SYN2: variants seen among roughly 807,000 people sequenced by gnomAD.
The protein encoded by SYN2 is synapsin II, also known as synapsin-2.
Under a neutral mutation model 50.9 loss-of-function variants are expected in SYN2, and 19 were observed. The observed-to-expected ratio is 0.37, with a 90% CI of 0.26 to 0.55. SYN2 has a LOEUF of 0.55. Ranked by LOEUF, SYN2 falls within the 20% of genes least tolerant of loss-of-function variation. The pLI, the probability that SYN2 is intolerant of heterozygous loss-of-function variation, is 0.81. For synonymous variants in SYN2, 255 were observed against 224.9 expected, an observed-to-expected ratio of 1.13 and a Z score of -1.20; for missense variants, 587 against 576.4, an observed-to-expected ratio of 1.02 and a Z score of -0.19.
chr3:12,185,584 C>T (rs1698325663), intron 11 of SYN2: 20 of 985,876 alleles, frequency 2.0e-5, no homozygotes, highest in Non-Finnish European at 2.3e-5. Flanking sequence ...GTGTTTTGTA[C>T]CTATTTCTTT....
intron 1 of SYN2, among the ~76,000 whole-genome samples, chr3:12,044,179 T>TCACACACACA (rs1436934204): frequency 1.6e-5 from 1 of 60,900 alleles, no homozygotes; most frequent in Non-Finnish European, 4.0e-5. Flanking sequence ...TCTCTCTCTC[T>TCACACACACA]CTCACACACA....
chr3:12,059,803 G>A (rs572663526), intron 1 of SYN2, among the ~76,000 whole-genome samples: 6 of 152,136 alleles, frequency 3.9e-5, no homozygotes, highest in Middle Eastern at 3.4e-3. Flanking sequence ...TTGGCGGGGG[G>A]CCCACAGGCT....
intron 1 of SYN2, among the ~76,000 whole-genome samples, chr3:12,065,692 G>A (rs1309961883): frequency 6.6e-6 from 1 of 152,100 alleles, no homozygotes; most frequent in Non-Finnish European, 1.5e-5. Context: ...AGACACTGGG[G>A]ACTACTTGAG....
At chr3:12,160,173 G>A (rs1697614513) in intron 5 of SYN2, among the ~76,000 whole-genome samples, 1 of 152,112 alleles carries the variant, frequency 6.6e-6, no homozygotes, top group African/African-American at 2.4e-5. Context: ...AATCTCCATG[G>A]GATTATTGCT....
intron 1 of SYN2, chr3:12,071,603 CTT>C: frequency 3.0e-6 from 1 of 332,804 alleles, no homozygotes; most frequent in Non-Finnish European, 6.0e-6. Context: ...CTATACATAT[CTT>C]TGATTTCTTA....
intron 7 of SYN2, among the ~76,000 whole-genome samples, chr3:12,164,466 C>T (rs1697731360): frequency 1.3e-5 from 2 of 152,154 alleles, no homozygotes; most frequent in Admixed American, 6.5e-5. Context: ...ACACTTCTTC[C>T]CCAAACTTGT....
At chr3:12,181,065 C>T (rs954443193) in intron 10 of SYN2, among the ~76,000 whole-genome samples, 8 of 152,222 alleles carry the variant, frequency 5.3e-5, no homozygotes, top group African/African-American at 1.4e-4. Flanking sequence ...TGAACACATA[C>T]GTCTACCTCC....
intron 1 of SYN2, among the ~76,000 whole-genome samples, chr3:12,119,545 C>G (rs1007325006): frequency 1.3e-5 from 2 of 152,174 alleles, no homozygotes; most frequent in Non-Finnish European, 2.9e-5. Context: ...GTTTTTCTCT[C>G]TTTTCTCTCT....
intron 1 of SYN2, among the ~76,000 whole-genome samples, chr3:12,033,815 G>A (rs1171374306): frequency 6.6e-6 from 1 of 152,138 alleles, no homozygotes. Flanking sequence ...ATGTTTTCAG[G>A]ATTCATCCAC....
chr3:12,044,181 T>TCTCTCTCTCTCTCACA (rs573246278), intron 1 of SYN2, among the ~76,000 whole-genome samples: 7 of 53,402 alleles, frequency 1.3e-4, no homozygotes, highest in African/African-American at 2.8e-4. Flanking sequence ...TCTCTCTCTC[T>TCTCTCTCTCTCTCACA]CACACACACA....
chr3:12,070,824 C>T, intron 1 of SYN2: 1 of 602,496 alleles, frequency 1.7e-6, no homozygotes, highest in African/African-American at 1.9e-5. Flanking sequence ...TCACCGAGCA[C>T]AGCTACAGCT....
chr3:12,170,311 G>A lies in SYN2; in HGVS notation c.1308+405G>A, dbSNP rs373260262. On this transcript the variant is annotated intron_variant, in intron 10 of 12. Coordinates refer to ENST00000621198, the MANE Select transcript of SYN2 (RefSeq NM_133625.6). ...TCACTGTGTTGAGCCTGCTATCTTCGTAAATAAGGAAGTCTCTTTCTGAGA... is the reference window on the plus strand; with the variant it reads ...TCACTGTGTTGAGCCTGCTATCTTCATAAATAAGGAAGTCTCTTTCTGAGA... Among the ~76,000 whole-genome samples the A allele has an allele frequency of 3.3e-5, 5 of 152,310 alleles. No individual in the cohort carries two copies. In the East Asian group the frequency reaches 5.8e-4, roughly 18 times the overall value.
rs192019920 is a variant in SYN2, at chr3:12,020,314, C to G, written c.377+15386C>G. On this transcript the variant is annotated intron_variant, in intron 1 of 12. Transcript: ENST00000621198. ...CTGCTGGTCTGTTTTTTTTCCTGTCCTCTTCCCCCCCACCCTGGCCCCCCA... is the reference window on the plus strand; with the variant it reads ...CTGCTGGTCTGTTTTTTTTCCTGTCGTCTTCCCCCCCACCCTGGCCCCCCA... 3.3e-3 allele frequency among the ~76,000 whole-genome samples: 493 copies of G among 151,636 alleles called. 2 individuals carry two copies. Among genetic ancestry groups the G allele is most frequent in the African/African-American group, 0.011 (469 of 41,304 alleles).
intron 1 of SYN2, among the ~76,000 whole-genome samples, chr3:12,045,785 G>T (rs151139596): frequency 6.6e-6 from 1 of 152,112 alleles, no homozygotes; most frequent in African/African-American, 2.4e-5. Context: ...GGGGGCTCAG[G>T]AATACCTCCC....
Position 12,083,303 on chromosome 3 carries a change from C to T in SYN2, c.378-57348C>T, listed in dbSNP as rs1420251717. ...TTGGGATTACAGGCGTGAGCCACTGCGCCCAGCCTGTTGTTTTTAATTAGA... is the reference window on the plus strand; with the variant it reads ...TTGGGATTACAGGCGTGAGCCACTGTGCCCAGCCTGTTGTTTTTAATTAGA... On this transcript the variant is annotated intron_variant, in intron 1 of 12. Coordinates refer to ENST00000621198, the MANE Select transcript of SYN2 (RefSeq NM_133625.6). Among the ~76,000 whole-genome samples the T allele has an allele frequency of 5.9e-5, 9 of 152,346 alleles. No homozygotes were observed. In the South Asian group the frequency reaches 6.2e-4, roughly 11 times the overall value.
chr3:12,171,318 G>C (rs759718525), intron 10 of SYN2, among the ~76,000 whole-genome samples: 3 of 152,176 alleles, frequency 2.0e-5, no homozygotes, highest in Non-Finnish European at 4.4e-5. Context: ...TTTTGTAAAT[G>C]TGATGGAATC....
At position 12,046,321 on chromosome 3, in the gene SYN2, C is replaced by G. The variant is rs561271435; in HGVS notation, c.377+41393C>G. Among the ~76,000 whole-genome samples, 4 of 152,108 alleles carry G rather than the reference C, an allele frequency of 2.6e-5. No individual in the cohort carries two copies. The South Asian group carries it at 8.3e-4, about 32-fold the overall frequency. The stretch of plus-strand genomic sequence containing the variant: ...GAGTTGGCTAGGTAAATAAGGAGAG[C>G]AACATCCTGGGAGAAAGAACATGAA... On this transcript the variant is annotated intron_variant, in intron 1 of 12. Coordinates refer to ENST00000621198, the MANE Select transcript of SYN2 (RefSeq NM_133625.6).
chr3:12,025,971 T>C (rs993885660), intron 1 of SYN2, among the ~76,000 whole-genome samples: 8 of 152,216 alleles, frequency 5.3e-5, no homozygotes, highest in East Asian at 1.9e-4. Flanking sequence ...GTAGCTTTTT[T>C]CCCCCTAAGA....
rs570992127 is a variant in SYN2, at chr3:12,179,188, T to C, written c.1309-4124T>C. On this transcript the variant is annotated intron_variant, in intron 10 of 12. Transcript: ENST00000621198. ...TAGCAGGATACCAGCCCAATTAGCT[T>C]TGATGGAAGCGGCACACTCTCCTTG... is the stretch of plus-strand genomic sequence containing the variant. Among the ~76,000 whole-genome samples the C allele has an allele frequency of 5.9e-5, 9 of 151,904 alleles. No individual in the cohort carries two copies. The East Asian group carries it at 1.7e-3, about 29-fold the overall frequency.
Sources: allele counts gnomAD v4.1 joint callset (sites outside exome capture counted in the v4.1 genomes callset), GRCh38; gene constraint gnomAD v4.1.1; transcripts MANE v1.5; gene names NCBI Gene and HGNC (gene_info 2026-07-23, HGNC 2026-07-21).